Variants in YY2 observed in about 807,000 individuals in gnomAD.
YY2 encodes the protein transcription factor YY2.
For missense variants in YY2, 254 were observed against 305.3 expected (o/e 0.83, Z 1.25); for synonymous variants, 157 against 131.2 (o/e 1.20, Z -1.35).
Position 21,856,864 on chromosome X carries a change from C to G in YY2, c.380C>G (p.Ala127Gly). ...ACCCTGGCCTCTCTGTCGGCCTCGGCGGCATCAACATCAACATCAACCCAG... is the reference window on the plus strand; with the variant it reads ...ACCCTGGCCTCTCTGTCGGCCTCGGGGGCATCAACATCAACATCAACCCAG... ...QMTLASLSAS[A>G]ASTSTSTQSR... The change falls in exon 1 of 1, where the codon GCG becomes GGG. Residue 127 changes from alanine to glycine, a missense_variant. By Grantham distance (60) the Ala-to-Gly change is moderately conservative (BLOSUM62 0). Transcript: ENST00000429584. 1 of 1,211,369 alleles carries G rather than the reference C, an allele frequency of 8.3e-7. No individual in the cohort carries two copies.
chrX:21,856,748 G>A lies in YY2; in HGVS notation c.264G>A (p.Val88=), dbSNP rs1399737409. Residue 88 remains valine (V), a synonymous_variant, in exon 1 of 1, where the codon GTG becomes GTA. Coordinates refer to ENST00000429584, the MANE Select transcript of YY2 (RefSeq NM_206923.4). The part of the protein sequence containing the change: ...MLMLQTQEEV[V]GYCDSDNQLG... The stretch of plus-strand genomic sequence containing the variant: ...TGTTGCAGACACAAGAGGAAGTGGT[G>A]GGCTATTGCGACTCAGACAACCAGC... 3.3e-6 allele frequency: 4 copies of A among 1,210,011 alleles called. No homozygotes were observed. Among genetic ancestry groups the A allele is most frequent in the Non-Finnish European group, 4.5e-6 (4 of 895,266 alleles).
Position 21,857,710 on chromosome X carries a change from A to AC in YY2, c.*107_*108insC, listed in dbSNP as rs1234656626. On this transcript the variant is annotated 3_prime_UTR_variant, in exon 1 of 1. Transcript: ENST00000429584. ...TGTTGTTTCTAAGAGTTTTAAAAAA[A>AC]AATGAATCCTGCACATTTAAGGTTC... 1.1e-6 allele frequency: 1 copy of AC among 904,652 alleles called. No homozygotes were observed. The highest frequency in any genetic ancestry group is 1.5e-6 in the Non-Finnish European group (1 of 655,806). The allele number at this position is 904,652 out of a possible 1,213,427, so 74.6% of individuals were successfully genotyped here.
rs990146382 is a variant in YY2 at position 21,857,777 on chromosome X, A to T, written c.*174A>T. The T allele has an allele frequency of 7.8e-4, 410 of 526,851 alleles. No homozygotes were observed. Among genetic ancestry groups the T allele is most frequent in the Non-Finnish European group, 5.3e-4 (179 of 338,004 alleles). The allele number at this position is 526,851 out of a possible 1,213,427, so 43.4% of individuals were successfully genotyped here. ...GTAAAAATAGAATTTAAACGTTTTT[A>T]AAAAGGTAAACCTTGACATAAGATA... On this transcript the variant is annotated 3_prime_UTR_variant, in exon 1 of 1. Transcript: ENST00000429584.
At position 21,856,609 on chromosome X, in the gene YY2, A is replaced by C. The variant is rs1262966075; in HGVS notation, c.125A>C (p.Tyr42Ser). ...MEDIPTESVQYEDVDGNWIYG... is the reference protein window; with the variant it reads ...MEDIPTESVQSEDVDGNWIYG... ...GACATTCCGACGGAAAGCGTCCAGT[A>C]CGAGGATGTGGATGGCAATTGGATC... is the stretch of plus-strand genomic sequence containing the variant. Residue 42 changes from tyrosine (Y) to serine (S), a missense_variant, in exon 1 of 1, where the codon TAC (tyrosine) becomes TCC (serine). Physicochemically the swap from Tyr to Ser is moderately radical, Grantham distance 144. Coordinates refer to ENST00000429584, the MANE Select transcript of YY2 (RefSeq NM_206923.4). The C allele has an allele frequency of 8.3e-7, 1 of 1,210,393 alleles. No homozygotes were observed. Among genetic ancestry groups the C allele is most frequent in the Non-Finnish European group, 1.1e-6 (1 of 895,371 alleles).
Position 21,856,659 on chromosome X carries a change from T to C in YY2, c.175T>C (p.Leu59=), listed in dbSNP as rs780575312. 2.5e-6 allele frequency: 3 copies of C among 1,211,203 alleles called. No individual in the cohort carries two copies. Among genetic ancestry groups the C allele is most frequent in the Middle Eastern group, 2.3e-4 (1 of 4,353 alleles). The stretch of plus-strand genomic sequence containing the variant: ...CTACGGTGGCCACAACCATCCGCCA[T>C]TGATGGTGTTGCAGCCGCTCTTCAC... The part of the protein sequence containing the change: ...WIYGGHNHPP[L]MVLQPLFTNT... The change falls in exon 1 of 1, where the codon TTG becomes CTG. Residue 59 remains leucine, a synonymous_variant. Transcript: ENST00000429584.
rs2092926002 is a variant in YY2 at position 21,858,080 on chromosome X, A to G, written c.*477A>G. 8.0e-6 allele frequency: 1 copy of G among 125,097 alleles called. No individual in the cohort carries two copies. Among genetic ancestry groups the G allele is most frequent in the African/African-American group, 3.2e-5 (1 of 31,116 alleles). 10.3% of individuals were successfully genotyped at this position (125,097 alleles called of 1,213,427 possible). On this transcript the variant is annotated 3_prime_UTR_variant, in exon 1 of 1. Transcript: ENST00000429584. ...AGGTTGATAACTTTGGGAAAGATTT[A>G]CTTTAAAAGAGTGAACAATTATATG...
In YY2 at chrX:21,856,339, C is replaced by T. The variant is rs2092921896; in HGVS notation, c.-146C>T. 3 of 525,592 alleles carry T rather than the reference C, an allele frequency of 5.7e-6. No individual in the cohort carries two copies. Among genetic ancestry groups the T allele is most frequent in the Non-Finnish European group, 6.4e-6 (2 of 314,809 alleles). The allele number at this position is 525,592 out of a possible 1,213,427, so 43.3% of individuals were successfully genotyped here. Reference sequence around the variant, plus strand: ...AGCTCGCGCCTTTCTCTGCAGCTCGCGCCTTTCTCTGCAGCTCGCGCCTTT... The same window carrying T: ...AGCTCGCGCCTTTCTCTGCAGCTCGTGCCTTTCTCTGCAGCTCGCGCCTTT... On this transcript the variant is annotated 5_prime_UTR_variant, in exon 1 of 1. Coordinates refer to ENST00000429584, the MANE Select transcript of YY2 (RefSeq NM_206923.4).
In YY2 at chrX:21,856,758, G is replaced by A. The variant is rs1196351236; in HGVS notation, c.274G>A (p.Asp92Asn). The A allele has an allele frequency of 3.3e-6, 4 of 1,211,794 alleles. No individual in the cohort carries two copies. Among genetic ancestry groups the A allele is most frequent in the Admixed American group, 4.3e-5 (2 of 46,053 alleles). The change falls in exon 1 of 1, where the codon GAC becomes AAC. Residue 92 changes from aspartate (D) to asparagine (N), a missense_variant. By Grantham distance (23) the Asp-to-Asn change is conservative. Transcript: ENST00000429584. ...ACAAGAGGAAGTGGTGGGCTATTGC[G>A]ACTCAGACAACCAGCTAGGCAACGA... ...QTQEEVVGYC[D>N]SDNQLGNDLE... is the part of the protein sequence containing the mutation.
In YY2 at chrX:21,858,357, AT is replaced by A. The variant is rs1386743361; in HGVS notation, c.*755del. The A allele has an allele frequency of 1.6e-5, 2 of 123,654 alleles. No homozygotes were observed. The highest frequency in any genetic ancestry group is 3.8e-5 in the Non-Finnish European group (2 of 53,288). 10.2% of individuals were successfully genotyped at this position (123,654 alleles called of 1,213,427 possible). ...TTAAAGTAGTGCTTGCTTGTAGAAT[AT>A]ATTGTGTATATGTTGACTTTAACAC... On this transcript the variant is annotated 3_prime_UTR_variant, in exon 1 of 1. Coordinates refer to ENST00000429584, the MANE Select transcript of YY2 (RefSeq NM_206923.4).
Position 21,856,717 on chromosome X carries a change from T to A in YY2, c.233T>A (p.Met78Lys), listed in dbSNP as rs914919324. The A allele has an allele frequency of 8.3e-7, 1 of 1,209,854 alleles. No homozygotes were observed. Among genetic ancestry groups the A allele is most frequent in the African/African-American group, 1.8e-5 (1 of 57,060 alleles). The change falls in exon 1 of 1, where the codon ATG (methionine) becomes AAG (lysine). Residue 78 changes from methionine (M) to lysine (K), a missense_variant. Transcript: ENST00000429584. The part of the protein sequence containing the change: ...NTGYGDHDQE[M>K]LMLQTQEEVV... ...GGCTATGGCGACCACGACCAGGAAA[T>A]GCTTATGTTGCAGACACAAGAGGAA...
chrX:21,857,778 A>T lies in YY2; in HGVS notation c.*175A>T. 1.9e-6 allele frequency: 1 copy of T among 531,645 alleles called. No individual in the cohort carries two copies. Among genetic ancestry groups the T allele is most frequent in the Non-Finnish European group, 2.9e-6 (1 of 341,238 alleles). 43.8% of individuals were successfully genotyped at this position (531,645 alleles called of 1,213,427 possible). Reference sequence around the variant, plus strand: ...TAAAAATAGAATTTAAACGTTTTTAAAAAGGTAAACCTTGACATAAGATAA... The same window carrying T: ...TAAAAATAGAATTTAAACGTTTTTATAAAGGTAAACCTTGACATAAGATAA... On this transcript the variant is annotated 3_prime_UTR_variant, in exon 1 of 1. Coordinates refer to ENST00000429584, the MANE Select transcript of YY2 (RefSeq NM_206923.4).
In YY2 at chrX:21,856,513, C is replaced by A. The variant is rs1016886887; in HGVS notation, c.29C>A (p.Thr10Lys). 9.9e-6 allele frequency: 12 copies of A among 1,208,797 alleles called. No individual in the cohort carries two copies. Among genetic ancestry groups the A allele is most frequent in the African/African-American group, 1.7e-5 (1 of 57,164 alleles). MASNEDFSI[T>K]QDLEIPADIV... ...GCCTCCAACGAAGATTTCTCCATCACACAAGACCTGGAGATCCCGGCAGAT... is the reference window on the plus strand; with the variant it reads ...GCCTCCAACGAAGATTTCTCCATCAAACAAGACCTGGAGATCCCGGCAGAT... The change falls in exon 1 of 1, where the codon ACA becomes AAA. Residue 10 changes from threonine (T) to lysine (K), a missense_variant. By Grantham distance (78) the Thr-to-Lys change is moderately conservative. Transcript: ENST00000429584.
Position 21,856,505 on chromosome X carries a change from C to T in YY2, c.21C>T (p.Phe7=), listed in dbSNP as rs376078662. MASNED[F]SITQDLEIPA... ...CAGCCATGGCCTCCAACGAAGATTT[C>T]TCCATCACACAAGACCTGGAGATCC... is the stretch of plus-strand genomic sequence containing the variant. The change falls in exon 1 of 1, where the codon TTC becomes TTT. Residue 7 remains phenylalanine (F), a synonymous_variant. Transcript: ENST00000429584. 5.0e-6 allele frequency: 6 copies of T among 1,208,989 alleles called. No homozygotes were observed. The East Asian group carries it at 8.9e-5, about 18-fold the overall frequency.
At position 21,856,426 on chromosome X, in the gene YY2, C is replaced by T. The variant is rs1376652795; in HGVS notation, c.-59C>T. ...TCCTCTGCAGCTCCCACCTCACTCC[C>T]CTCAGCGTTCTTTTTCCCACGGTCT... On this transcript the variant is annotated 5_prime_UTR_variant, in exon 1 of 1. Coordinates refer to ENST00000429584, the MANE Select transcript of YY2 (RefSeq NM_206923.4). The T allele has an allele frequency of 1.7e-6, 2 of 1,147,757 alleles. No individual in the cohort carries two copies. Among genetic ancestry groups the T allele is most frequent in the Non-Finnish European group, 1.2e-6 (1 of 856,485 alleles). 94.6% of individuals were successfully genotyped at this position (1,147,757 alleles called of 1,213,427 possible).
Position 21,856,162 on chromosome X carries a change from A to C in YY2, c.-323A>C. ...AGCTGGGCGGGGTCGCAGGGTGGCA[A>C]ACGTACGCGGGCACGTGCACGTGCT... On this transcript the variant is annotated 5_prime_UTR_variant, in exon 1 of 1. Transcript: ENST00000429584. 7.9e-6 allele frequency: 2 copies of C among 254,486 alleles called. No individual in the cohort carries two copies. Among genetic ancestry groups the C allele is most frequent in the Non-Finnish European group, 7.0e-6 (1 of 142,218 alleles). The allele number at this position is 254,486 out of a possible 1,213,427, so 21.0% of individuals were successfully genotyped here.
Position 21,856,849 on chromosome X carries a change from C to G in YY2, c.365C>G (p.Ser122Cys). 2.5e-6 allele frequency: 3 copies of G among 1,211,403 alleles called. No individual in the cohort carries two copies. The highest frequency in any genetic ancestry group is 3.0e-5 in the East Asian group (1 of 33,818). Reference protein sequence around the residue: ...EDEHFQMTLASLSASAASTST... With the variant: ...EDEHFQMTLACLSASAASTST... ...GAGCACTTCCAGATGACCCTGGCCT[C>G]TCTGTCGGCCTCGGCGGCATCAACA... Residue 122 changes from serine (S) to cysteine (C), a missense_variant, in exon 1 of 1, where the codon TCT becomes TGT. Ser to Cys is a moderately radical substitution (Grantham distance 112). Coordinates refer to ENST00000429584, the MANE Select transcript of YY2 (RefSeq NM_206923.4).
Position 21,856,604 on chromosome X carries a change from C to T in YY2, c.120C>T (p.Val40=), listed in dbSNP as rs754043000. 6.6e-6 allele frequency: 8 copies of T among 1,210,376 alleles called. No individual in the cohort carries two copies. In the East Asian group the frequency reaches 2.4e-4, roughly 36 times the overall value. The change falls in exon 1 of 1, where the codon GTC becomes GTT. Residue 40 remains valine (V), a synonymous_variant. Transcript: ENST00000429584. ...TGGAGGACATTCCGACGGAAAGCGT[C>T]CAGTACGAGGATGTGGATGGCAATT... is the stretch of plus-strand genomic sequence containing the variant. The part of the protein sequence containing the change: ...LPMEDIPTES[V]QYEDVDGNWI...
chrX:21,857,035 C>G lies in YY2; in HGVS notation c.551C>G (p.Ser184Cys), dbSNP rs1407114061. ...MQVKTLEGEF[S>C]VTMWSPNDNN... ...GTCAAAACGCTGGAGGGTGAGTTTTCCGTGACTATGTGGTCCCCTAACGAT... is the reference window on the plus strand; with the variant it reads ...GTCAAAACGCTGGAGGGTGAGTTTTGCGTGACTATGTGGTCCCCTAACGAT... The change falls in exon 1 of 1, where the codon TCC (serine) becomes TGC (cysteine). Residue 184 changes from serine to cysteine, a missense_variant. Ser to Cys is a moderately radical substitution (Grantham distance 112). Transcript: ENST00000429584. 3 of 1,211,806 alleles carry G rather than the reference C, an allele frequency of 2.5e-6. No individual in the cohort carries two copies. The Admixed American group carries it at 6.5e-5, about 26-fold the overall frequency.
At position 21,857,564 on chromosome X, in the gene YY2, C is replaced by T. The variant is rs754493656; in HGVS notation, c.1080C>T (p.Thr360=). The T allele has an allele frequency of 6.8e-5, 82 of 1,209,612 alleles. No homozygotes were observed. The highest frequency in any genetic ancestry group is 7.6e-5 in the Non-Finnish European group (68 of 894,940). The change falls in exon 1 of 1, where the codon ACC becomes ACT. Residue 360 remains threonine, a synonymous_variant. Transcript: ENST00000429584. ...TCGCTCAGTCAACCAACCTGAAAAC[C>T]CACATATTAACGCATGTGAAGACCA... is the stretch of plus-strand genomic sequence containing the variant. The part of the protein sequence containing the change: ...RKFAQSTNLK[T]HILTHVKTKN...
Sources: gnomAD v4.1 joint callset for allele counts on GRCh38, gnomAD v4.1.1 for gene constraint, MANE v1.5 for transcripts, NCBI Gene and HGNC (gene_info 2026-07-23, HGNC 2026-07-21) for gene names.